DCDC2: variants seen among roughly 807,000 people sequenced by gnomAD.
The protein encoded by DCDC2 is doublecortin domain containing 2, also known as doublecortin domain-containing protein 2.
A neutral mutation model predicts 50.2 loss-of-function variants in DCDC2; 40 were observed. The observed-to-expected ratio is 0.80, with a 90% CI of 0.62 to 1.04. The LOEUF (loss-of-function observed/expected upper bound fraction) is 1.04, where lower values mean the gene tolerates loss of function less well. Among genes scored for constraint, DCDC2 ranks in the 50% least tolerant of loss-of-function variants. The pLI, the probability that DCDC2 is intolerant of heterozygous loss-of-function variation, is 0.00. For missense variants in DCDC2, 570 were observed against 581.9 expected (o/e 0.98, Z 0.21); for synonymous variants, 234 against 210.6 (o/e 1.11, Z -0.96).
the DCDC2 span, among the ~76,000 whole-genome samples, chr6:24,381,839 G>A: frequency 7.1e-6 from 1 of 140,620 alleles, no homozygotes; most frequent in African/African-American, 2.8e-5. Flanking sequence ...AGGAAGGAAG[G>A]AAGGAAGGAA....
At position 24,172,939 on chromosome 6, in the gene DCDC2, T is replaced by A. The variant is rs1432199646; in HGVS notation, c.*1791A>T. 6.6e-6 allele frequency: 1 copy of A among 151,552 alleles called. No homozygotes were observed. The highest frequency in any genetic ancestry group is 1.5e-5 in the Non-Finnish European group (1 of 67,922). The allele number at this position is 151,552 out of a possible 1,614,324, so 9.4% of individuals were successfully genotyped here. ...AGGCAGAGGTTGCAGTAAGCCAAGA[T>A]CATGCCACTGCACCCAGCCTGGGCG... On this transcript the variant is annotated 3_prime_UTR_variant, in exon 10 of 10. Transcript: ENST00000378454.
chr6:24,370,857 A>G, the DCDC2 span, among the ~76,000 whole-genome samples: 1 of 152,202 alleles, frequency 6.6e-6, no homozygotes, highest in African/African-American at 2.4e-5. Flanking sequence ...GTGTCCATCA[A>G]TTGATGAATG....
chr6:24,177,165 C>T (rs1304828421), intron 9 of DCDC2, among the ~76,000 whole-genome samples: 1 of 152,134 alleles, frequency 6.6e-6, no homozygotes, highest in East Asian at 1.9e-4. Context: ...TTACAGGTGC[C>T]ATATAAATGA....
intron 2 of DCDC2, among the ~76,000 whole-genome samples, chr6:24,314,847 T>A (rs1413728546): frequency 6.6e-6 from 1 of 152,136 alleles, no homozygotes; most frequent in Non-Finnish European, 1.5e-5. Context: ...AACAGACCAA[T>A]GATGCTGCTA....
intron 2 of DCDC2, among the ~76,000 whole-genome samples, chr6:24,306,531 TAGATAGATAGATAGACAGACAGAC>T (rs992115097): frequency 8.6e-5 from 12 of 138,812 alleles, no homozygotes; most frequent in Admixed American, 3.6e-4. Flanking sequence ...GATAGATAGA[TAGATAGATAGATAGACAGACAGAC>T]AGACAGACAG....
At chr6:24,297,020 C>A (rs771046534) in intron 4 of DCDC2, among the ~76,000 whole-genome samples, 6 of 152,184 alleles carry the variant, frequency 3.9e-5, no homozygotes, top group Non-Finnish European at 8.8e-5. Flanking sequence ...CACATATGTT[C>A]ATTGCAGCAC....
chr6:24,289,968 CTTCTTTTTTTTTTTTTTTTTTTTT>C (rs1156512240), intron 5 of DCDC2, among the ~76,000 whole-genome samples: 1,522 of 100,802 alleles, frequency 0.015, 30 homozygotes, highest in Non-Finnish European at 0.019. Flanking sequence ...GGCCAGAGCT[CTTCTTTTTTTTTTTTTTTTTTTTT>C]TTTTTTTTTT....
intron 8 of DCDC2, among the ~76,000 whole-genome samples, chr6:24,198,056 T>A (rs1420298709): frequency 6.6e-6 from 1 of 152,182 alleles, no homozygotes; most frequent in Non-Finnish European, 1.5e-5. Context: ...AGTACAGTGT[T>A]CTACTGGCCT....
At chr6:24,283,436 CTCTT>C (rs1364173802) in intron 6 of DCDC2, among the ~76,000 whole-genome samples, 17 of 145,406 alleles carry the variant, frequency 1.2e-4, no homozygotes, top group African/African-American at 3.8e-4. Flanking sequence ...GCTGCTTTCT[CTCTT>C]TCTCTCTCAA....
intron 7 of DCDC2, among the ~76,000 whole-genome samples, chr6:24,244,102 T>A (rs1291883469): frequency 6.6e-6 from 1 of 152,210 alleles, no homozygotes; most frequent in South Asian, 2.1e-4. Context: ...AGACAAGCAG[T>A]TTCTGTGTTA....
the DCDC2 span, among the ~76,000 whole-genome samples, chr6:24,374,765 C>T: frequency 6.2e-3 from 936 of 152,138 alleles, 14 homozygotes; most frequent in African/African-American, 0.02. Flanking sequence ...AGGCAAATAG[C>T]GGGTCTCTGA....
At chr6:24,222,381 C>T (rs950982785) in intron 7 of DCDC2, among the ~76,000 whole-genome samples, 2 of 152,200 alleles carry the variant, frequency 1.3e-5, no homozygotes, top group East Asian at 1.9e-4. Flanking sequence ...AATGTTCTAA[C>T]CATCTTTTAG....
intron 7 of DCDC2, among the ~76,000 whole-genome samples, chr6:24,226,975 T>G (rs918011039): frequency 2.6e-5 from 4 of 152,134 alleles, no homozygotes; most frequent in East Asian, 3.9e-4. Context: ...TCTGGGAGAT[T>G]TGGAGTGTAG....
intron 7 of DCDC2, among the ~76,000 whole-genome samples, chr6:24,239,226 C>T (rs759629174): frequency 3.3e-5 from 5 of 152,174 alleles, no homozygotes; most frequent in African/African-American, 9.7e-5. Context: ...AGACAAACTT[C>T]GGTATCAACC....
the DCDC2 span, among the ~76,000 whole-genome samples, chr6:24,372,332 T>C: frequency 2.0e-4 from 31 of 151,312 alleles, no homozygotes; most frequent in African/African-American, 7.0e-4. Flanking sequence ...GGCAGGAGAA[T>C]GGCGTGAACC....
chr6:24,294,127 C>T (rs575385613), intron 4 of DCDC2, among the ~76,000 whole-genome samples: 4 of 152,224 alleles, frequency 2.6e-5, no homozygotes, highest in Admixed American at 1.3e-4. Context: ...GAGGCTGAGC[C>T]GGGCAGATTG....
intron 7 of DCDC2, among the ~76,000 whole-genome samples, chr6:24,253,165 G>C (rs1250550318): frequency 1.3e-5 from 2 of 151,658 alleles, no homozygotes; most frequent in Non-Finnish European, 2.9e-5. Flanking sequence ...GAAAGCTGAA[G>C]AAAGGAAATA....
intron 7 of DCDC2, among the ~76,000 whole-genome samples, chr6:24,210,019 G>GGGGT (rs1360438467): frequency 1.8e-3 from 260 of 145,258 alleles, no homozygotes; most frequent in African/African-American, 5.6e-3. Flanking sequence ...GCAGTATCAG[G>GGGGT]GTGTGTGTGT....
At position 24,358,007 on chromosome 6, in the gene DCDC2, G is replaced by A. The variant is rs997128619; in HGVS notation, c.-257C>T. The A allele has an allele frequency of 2.3e-6, 3 of 1,325,862 alleles. No individual in the cohort carries two copies. Among genetic ancestry groups the A allele is most frequent in the Non-Finnish European group, 3.0e-6 (3 of 987,182 alleles). 82.1% of individuals were successfully genotyped at this position (1,325,862 alleles called of 1,614,324 possible). A position where few individuals can be genotyped will look rare whatever the true frequency, so the allele number is the denominator to read the frequency against. On this transcript the variant is annotated 5_prime_UTR_variant, in exon 1 of 10. Transcript: ENST00000378454. ...CACAGCCAATCAGGACCCGCAGTGCGCGCACCACACCAGGTTCACCTGCTA... is the reference window on the plus strand; with the variant it reads ...CACAGCCAATCAGGACCCGCAGTGCACGCACCACACCAGGTTCACCTGCTA...
Sources: gnomAD v4.1 joint callset for allele counts (sites outside exome capture counted in the v4.1 genomes callset) on GRCh38, gnomAD v4.1.1 for gene constraint, MANE v1.5 for transcripts, NCBI Gene and HGNC (gene_info 2026-07-23, HGNC 2026-07-21) for gene names.